Variants in SLC25A26 observed in about 807,000 individuals in gnomAD.
The protein encoded by SLC25A26 is solute carrier family 25 member 26, also known as mitochondrial S-adenosylmethionine carrier protein.
In SLC25A26, 36 loss-of-function variants were observed where a neutral mutation model predicts 37.8. That is an observed-to-expected ratio of 0.95 (90% CI 0.73 to 1.26). The LOEUF (loss-of-function observed/expected upper bound fraction) is 1.26, where lower values mean the gene tolerates loss of function less well. Ranked by LOEUF, SLC25A26 falls within the 50% of genes most tolerant of loss-of-function variation. The pLI, the probability that SLC25A26 is intolerant of heterozygous loss-of-function variation, is 0.00. For synonymous variants in SLC25A26, 129 were observed against 122.5 expected, an observed-to-expected ratio of 1.05 and a Z score of -0.35; for missense variants, 390 against 331.1, an observed-to-expected ratio of 1.18 and a Z score of -1.38.
At chr3:66,296,308 G>A (rs1479491890) in intron 5 of SLC25A26, among the ~76,000 whole-genome samples, 1 of 152,122 alleles carries the variant, frequency 6.6e-6, no homozygotes, top group East Asian at 1.9e-4. Flanking sequence ...GCTTTGATCT[G>A]TAAATAACAG....
intron 1 of SLC25A26, among the ~76,000 whole-genome samples, chr3:66,206,752 G>A (rs2106823726): frequency 6.6e-6 from 1 of 150,898 alleles, no homozygotes; most frequent in African/African-American, 2.4e-5. Flanking sequence ...GCATAGGCTG[G>A]GGTGTAGTGG....
At chr3:66,300,459 C>A (rs1431892290) in intron 5 of SLC25A26, among the ~76,000 whole-genome samples, 2 of 151,974 alleles carry the variant, frequency 1.3e-5, no homozygotes, top group African/African-American at 4.8e-5. Flanking sequence ...TTGTTCTTTG[C>A]ATATATTTCA....
At chr3:66,189,066 A>C (rs969995873) in intron 1 of SLC25A26, among the ~76,000 whole-genome samples, 3 of 152,114 alleles carry the variant, frequency 2.0e-5, no homozygotes, top group Non-Finnish European at 2.9e-5. Flanking sequence ...CTGAACAATG[A>C]CTGTGCCTGT....
At chr3:66,172,742 A>T (rs2070519633) in intron 1 of SLC25A26, among the ~76,000 whole-genome samples, 1 of 152,092 alleles carries the variant, frequency 6.6e-6, no homozygotes, top group Non-Finnish European at 1.5e-5. Context: ...TTGTTCTGGT[A>T]GTTTGCTGGC....
intron 1 of SLC25A26, among the ~76,000 whole-genome samples, chr3:66,182,716 C>CGGGGGGGG: frequency 1.1e-5 from 1 of 87,540 alleles, no homozygotes. Flanking sequence ...CAGTGGGCGG[C>CGGGGGGGG]GGGGGGGGGG....
At chr3:66,148,341 G>A (rs114099133) in intron 1 of SLC25A26, among the ~76,000 whole-genome samples, 1 of 152,290 alleles carries the variant, frequency 6.6e-6, no homozygotes, top group African/African-American at 2.4e-5. Flanking sequence ...GCACCCAGGG[G>A]CTAGGAACTG....
At chr3:66,170,246 C>T (rs2070476997) in intron 1 of SLC25A26, among the ~76,000 whole-genome samples, 1 of 152,202 alleles carries the variant, frequency 6.6e-6, no homozygotes, top group East Asian at 1.9e-4. Context: ...GTGCTAATTT[C>T]TCTGTTGTCC....
intron 5 of SLC25A26, among the ~76,000 whole-genome samples, chr3:66,325,990 A>G (rs2075828063): frequency 6.6e-6 from 1 of 152,214 alleles, no homozygotes; most frequent in African/African-American, 2.4e-5. Context: ...GGAGTACATT[A>G]GGGAGAAATA....
chr3:66,276,168 T>C (rs893576494), intron 5 of SLC25A26, among the ~76,000 whole-genome samples: 10 of 152,272 alleles, frequency 6.6e-5, no homozygotes, highest in Admixed American at 5.2e-4. Context: ...ATACTAATTA[T>C]GATTGTTAAC....
intron 5 of SLC25A26, among the ~76,000 whole-genome samples, chr3:66,283,115 A>G (rs890493282): frequency 3.3e-5 from 5 of 152,204 alleles, no homozygotes; most frequent in African/African-American, 1.2e-4. Context: ...ATTGAAGGAC[A>G]TTTGACTTCT....
intron 6 of SLC25A26, among the ~76,000 whole-genome samples, chr3:66,360,788 C>G (rs2076688231): frequency 6.6e-6 from 1 of 152,164 alleles, no homozygotes; most frequent in Non-Finnish European, 1.5e-5. Context: ...GATGCCATGC[C>G]TGTGAGAAGA....
intron 7 of SLC25A26, among the ~76,000 whole-genome samples, chr3:66,364,242 C>G (rs529290607): frequency 2.0e-5 from 3 of 152,194 alleles, no homozygotes; most frequent in Admixed American, 6.5e-5. Context: ...GCATTAATTA[C>G]AGTTTCCTTT....
intron 5 of SLC25A26, among the ~76,000 whole-genome samples, chr3:66,272,660 C>T (rs540712626): frequency 2.6e-5 from 4 of 152,264 alleles, no homozygotes; most frequent in African/African-American, 4.8e-5. Flanking sequence ...CATCCCTGAT[C>T]ACTCACCTGT....
chr3:66,349,361 A>G (rs547905468), intron 6 of SLC25A26, among the ~76,000 whole-genome samples: 1 of 152,282 alleles, frequency 6.6e-6, no homozygotes, highest in South Asian at 2.1e-4. Context: ...AAGTTCCCTC[A>G]TGCCGTCAGT....
intron 3 of SLC25A26, among the ~76,000 whole-genome samples, chr3:66,245,382 C>G (rs1367902675): frequency 1.3e-5 from 2 of 152,058 alleles, no homozygotes; most frequent in African/African-American, 2.4e-5. Context: ...GAGGGACAGC[C>G]TTTTATGTTG....
At chr3:66,178,977 A>G (rs1338419898) in intron 1 of SLC25A26, among the ~76,000 whole-genome samples, 2 of 152,174 alleles carry the variant, frequency 1.3e-5, no homozygotes, top group African/African-American at 4.8e-5. Context: ...GGAGGCAGAC[A>G]GGAACATGAG....
At position 66,250,608 on chromosome 3, in the gene SLC25A26, A is replaced by G. The variant is rs75437181; in HGVS notation, c.300+7296A>G. ...ATTTTAGGGAGGCAAGGCTAAAGCA[A>G]TGATGTTCCGTAGGTTGGGGGGTAT... On this transcript the variant is annotated intron_variant, in intron 3 of 9. Coordinates refer to ENST00000354883, the MANE Select transcript of SLC25A26 (RefSeq NM_001379210.1). Among the ~76,000 whole-genome samples, 473 of 149,276 alleles carry G rather than the reference A, an allele frequency of 3.2e-3. 3 individuals carry two copies. Among genetic ancestry groups the G allele is most frequent in the East Asian group, 0.017 (87 of 5,118 alleles).
At chr3:66,324,255 T>C (rs1192687605) in intron 5 of SLC25A26, 1 of 143,240 alleles carries the variant, frequency 7.0e-6, no homozygotes, top group Non-Finnish European at 1.5e-5. Flanking sequence ...GGCTAGGGAA[T>C]GGGGAATGCT....
intron 3 of SLC25A26, chr3:66,261,742 G>T (rs1273844866): frequency 9.4e-6 from 2 of 211,804 alleles, no homozygotes; most frequent in Non-Finnish European, 1.8e-5. Context: ...AGTTCTGGGC[G>T]TTGGGGATTC....
Sources: gnomAD v4.1 joint callset for allele counts (sites outside exome capture counted in the v4.1 genomes callset) on GRCh38, gnomAD v4.1.1 for gene constraint, MANE v1.5 for transcripts, NCBI Gene and HGNC (gene_info 2026-07-23, HGNC 2026-07-21) for gene names.